CCPG1: variants seen among roughly 807,000 people sequenced by gnomAD.
CCPG1 encodes cell cycle progression 1.
In CCPG1, 46 loss-of-function variants were observed where a neutral mutation model predicts 81.3. The ratio of observed to expected loss-of-function variants is 0.57; its 90% CI spans 0.45 to 0.72. The LOEUF is 0.72. CCPG1 is among the 30% of genes least tolerant of loss of function. The probability of loss-of-function intolerance (pLI) is 0.00; values close to 1 mark genes in which losing one functional copy is unlikely to be tolerated. For synonymous variants in CCPG1, 330 were observed against 305.2 expected, an observed-to-expected ratio of 1.08 and a Z score of -0.85; for missense variants, 902 against 937.6, an observed-to-expected ratio of 0.96 and a Z score of 0.50.
rs1404413295 is a variant in CCPG1 at position 55,371,924 on chromosome 15, T to A, written c.575A>T (p.Asp192Val). ...KKTVSASESE[D>V]RLVAEQETEP... ...AGTTTCTTGTTCAGCAACTAGCCGGTCTTCAGATTCTGAAGCAGAAACGGT... is the reference window on the plus strand; with the variant it reads ...AGTTTCTTGTTCAGCAACTAGCCGGACTTCAGATTCTGAAGCAGAAACGGT... Residue 192 changes from aspartate to valine, a missense_variant, in exon 6 of 9, where the codon GAC (aspartate) becomes GTC (valine). Asp to Val is a radical substitution (Grantham distance 152). Around this residue, in one of 3 missense-constraint regions of CCPG1, gnomAD observed 746 missense variants for 728.6 expected, o/e 1.02. Coordinates refer to ENST00000442196, the MANE Select transcript of CCPG1 (RefSeq NM_001204450.2). The A allele has an allele frequency of 6.2e-7, 1 of 1,614,194 alleles. No individual in the cohort carries two copies. Among genetic ancestry groups the A allele is most frequent in the Non-Finnish European group, 8.5e-7 (1 of 1,180,040 alleles).
intron 3 of CCPG1, 62 bp downstream of exon 3, chr15:55,385,538 A>C (rs1595851577): frequency 1.2e-6 from 1 of 800,962 alleles, no homozygotes; most frequent in African/African-American, 1.8e-5. Context: ...AAAGAAGGCA[A>C]GACTCATAAT....
chr15:55,404,900 T>C (rs933255594), intron 1 of CCPG1, among the ~76,000 whole-genome samples: 2 of 152,076 alleles, frequency 1.3e-5, no homozygotes, highest in Non-Finnish European at 2.9e-5. Flanking sequence ...TGAAACCCCA[T>C]CTCTACTAAA....
intron 3 of CCPG1, among the ~76,000 whole-genome samples, chr15:55,382,419 A>G (rs1196745024): frequency 6.6e-6 from 1 of 152,114 alleles, no homozygotes. Context: ...TCAAGAAACT[A>G]CTTTCTTTGC....
rs2056458962 is a variant in CCPG1, at chr15:55,371,981, G to A, written c.518C>T (p.Pro173Leu). The A allele has an allele frequency of 6.2e-7, 1 of 1,614,062 alleles. No individual in the cohort carries two copies. The highest frequency in any genetic ancestry group is 2.2e-5 in the East Asian group (1 of 44,884). Residue 173 changes from proline to leucine, a missense_variant, in exon 6 of 9, where the codon CCT becomes CTT. This residue lies in a region of CCPG1 where 746 missense variants were observed against 728.6 expected (regional missense o/e 1.02). Coordinates refer to ENST00000442196, the MANE Select transcript of CCPG1 (RefSeq NM_001204450.2). ...SSDETSNQPS[P>L]AFRRRRARKK... ...CCTAGCACGGCGTCGTCTAAAGGCA[G>A]GACTGGGCTGATTACTGGTTTCATC...
intron 1 of CCPG1, among the ~76,000 whole-genome samples, chr15:55,390,828 C>G (rs563105728): frequency 5.3e-5 from 8 of 152,202 alleles, no homozygotes; most frequent in African/African-American, 1.9e-4. Context: ...TATTCAAAAC[C>G]TGAAATAAGG....
rs200932895 is a variant in CCPG1 at position 55,368,018 on chromosome 15, G to GTT, written c.707-2710_707-2709insAA. On this transcript the variant is annotated intron_variant, in intron 6 of 8. Coordinates refer to ENST00000442196, the MANE Select transcript of CCPG1 (RefSeq NM_001204450.2). ...TCAATAAATCAAACTTTCCTATCTA[G>GTT]ATTCCAAGACGTTTTACAATACACA... is the stretch of plus-strand genomic sequence containing the variant. Among the ~76,000 whole-genome samples the GTT allele has an allele frequency of 3.8e-3, 572 of 152,132 alleles. 8 individuals are homozygous for GTT. Among genetic ancestry groups the GTT allele is most frequent in the East Asian group, 0.034 (175 of 5,178 alleles).
intron 6 of CCPG1, among the ~76,000 whole-genome samples, chr15:55,365,572 C>G (rs2056309508): frequency 6.6e-6 from 1 of 151,592 alleles, no homozygotes; most frequent in African/African-American, 2.4e-5. Flanking sequence ...AGGGAAGCGC[C>G]ACCAGGCCCA....
At chr15:55,383,867 T>A (rs1192686608) in intron 3 of CCPG1, among the ~76,000 whole-genome samples, 1 of 152,232 alleles carries the variant, frequency 6.6e-6, no homozygotes, top group Non-Finnish European at 1.5e-5. Flanking sequence ...TTCAATCTTC[T>A]ACCAAGACCA....
At chr15:55,387,848 A>C (rs1216006693) in intron 2 of CCPG1, among the ~76,000 whole-genome samples, 1 of 144,480 alleles carries the variant, frequency 6.9e-6, no homozygotes, top group East Asian at 2.3e-4. Flanking sequence ...CCCGGCCTAT[A>C]ATTTTTATTA....
intron 3 of CCPG1, among the ~76,000 whole-genome samples, chr15:55,380,015 G>A (rs567886524): frequency 4.6e-5 from 7 of 150,980 alleles, no homozygotes; most frequent in African/African-American, 1.5e-4. Flanking sequence ...CAGGAGAATT[G>A]CTTGAACCCA....
intron 6 of CCPG1, among the ~76,000 whole-genome samples, chr15:55,367,988 G>T (rs777561758): frequency 2.0e-5 from 3 of 151,970 alleles, no homozygotes; most frequent in Non-Finnish European, 2.9e-5. Context: ...CTGATAGCAG[G>T]TTACTCAATA....
Position 55,355,313 on chromosome 15 carries a change from A to G in CCPG1, c.*907T>C. Reference sequence around the variant, plus strand: ...AATAAGCGCTTTCCTAATTTCAAGCAATTATAAAAGAACTGCTGTTTTCTT... The same window carrying G: ...AATAAGCGCTTTCCTAATTTCAAGCGATTATAAAAGAACTGCTGTTTTCTT... On this transcript the variant is annotated 3_prime_UTR_variant, in exon 9 of 9. Coordinates refer to ENST00000442196, the MANE Select transcript of CCPG1 (RefSeq NM_001204450.2). The G allele has an allele frequency of 6.2e-7, 1 of 1,610,108 alleles. No homozygotes were observed. The highest frequency in any genetic ancestry group is 1.3e-5 in the African/African-American group (1 of 74,910).
intron 5 of CCPG1, among the ~76,000 whole-genome samples, chr15:55,375,244 C>T (rs1595838479): frequency 1.3e-5 from 2 of 151,992 alleles, no homozygotes; most frequent in Non-Finnish European, 2.9e-5. Flanking sequence ...GCTGGGATTA[C>T]AGGCGTGAGC....
At position 55,379,001 on chromosome 15, in the gene CCPG1, A is replaced by G. The variant is rs567864635; in HGVS notation, c.176-625T>C. On this transcript the variant is annotated intron_variant, in intron 3 of 8. Transcript: ENST00000442196. The stretch of plus-strand genomic sequence containing the variant: ...AGTATGTTCATTAATACCTAATATG[A>G]AAAAATCTATCATTAGATACCTAGT... Among the ~76,000 whole-genome samples the G allele has an allele frequency of 2.6e-5, 4 of 152,184 alleles. No individual in the cohort carries two copies. In the East Asian group the frequency reaches 7.7e-4, roughly 29 times the overall value.
rs1005998148 is a variant in CCPG1, at chr15:55,360,847, T to C, written c.926A>G (p.Tyr309Cys). 2.5e-6 allele frequency: 4 copies of C among 1,610,460 alleles called. No individual in the cohort carries two copies. Among genetic ancestry groups the C allele is most frequent in the Non-Finnish European group, 3.4e-6 (4 of 1,179,072 alleles). The change falls in exon 8 of 9, where the codon TAT (tyrosine) becomes TGT (cysteine). Residue 309 changes from tyrosine to cysteine, a missense_variant. By Grantham distance (194) the Tyr-to-Cys change is radical. Coordinates refer to ENST00000442196, the MANE Select transcript of CCPG1 (RefSeq NM_001204450.2). Reference protein sequence around the residue: ...QKTNLATENQYLRVSLEKEEK... With the variant: ...QKTNLATENQCLRVSLEKEEK... Reference sequence around the variant, plus strand: ...TTCCTTCTCCAAGGATACTCTTAAATACTGATTTTCTGTAGCAAGGTTCGT... The same window carrying C: ...TTCCTTCTCCAAGGATACTCTTAAACACTGATTTTCTGTAGCAAGGTTCGT...
intron 8 of CCPG1, chr15:55,359,117 A>G (rs1041128685): frequency 2.9e-5 from 29 of 983,240 alleles, no homozygotes; most frequent in Non-Finnish European, 3.5e-5. Flanking sequence ...GAATTATTAT[A>G]TATGAGCTCT....
chr15:55,372,676 A>T (rs1433990023), intron 5 of CCPG1: 1 of 225,990 alleles, frequency 4.4e-6, no homozygotes, highest in Non-Finnish European at 8.8e-6. Context: ...ACAAAATTTC[A>T]TTGCTATTAC....
chr15:55,369,110 T>TG (rs2056393718), intron 6 of CCPG1, among the ~76,000 whole-genome samples: 1 of 137,548 alleles, frequency 7.3e-6, no homozygotes, highest in Non-Finnish European at 1.5e-5. Context: ...AGACTCTGTC[T>TG]CAAAAAAAAA....
intron 5 of CCPG1, among the ~76,000 whole-genome samples, chr15:55,374,761 G>A (rs1206625984): frequency 6.6e-6 from 1 of 152,154 alleles, no homozygotes; most frequent in Non-Finnish European, 1.5e-5. Flanking sequence ...CTCCAGAGTA[G>A]CTGGGATTAC....
Sources: allele counts gnomAD v4.1 joint callset (sites outside exome capture counted in the v4.1 genomes callset), GRCh38; gene constraint gnomAD v4.1.1; regional missense constraint gnomAD v4.1.1; transcripts MANE v1.5; gene names NCBI Gene and HGNC (gene_info 2026-07-23, HGNC 2026-07-21).